Variants in CCDC91 observed in about 807,000 individuals in gnomAD.
CCDC91 encodes coiled-coil domain containing 91, also known as coiled-coil domain-containing protein 91.
A neutral mutation model predicts 63.2 loss-of-function variants in CCDC91; 48 were observed. That is an observed-to-expected ratio of 0.76 (90% CI 0.60 to 0.97). CCDC91 has a LOEUF of 0.97. Ranked by LOEUF, CCDC91 falls within the 50% of genes least tolerant of loss-of-function variation. CCDC91 has a pLI of 0.00. For synonymous variants in CCDC91, 167 were observed against 165.8 expected, an observed-to-expected ratio of 1.01 and a Z score of -0.06; for missense variants, 500 against 494.6, an observed-to-expected ratio of 1.01 and a Z score of -0.10.
intron 12 of CCDC91, among the ~76,000 whole-genome samples, chr12:28,528,767 T>C (rs907034641): frequency 7.9e-5 from 12 of 152,226 alleles, no homozygotes; most frequent in African/African-American, 2.9e-4. Context: ...TTAGAGACAG[T>C]GTCTTGCCCT....
chr12:28,195,984 A>T (rs141505446), intron 1 of CCDC91, among the ~76,000 whole-genome samples: 1 of 152,168 alleles, frequency 6.6e-6, no homozygotes, highest in Non-Finnish European at 1.5e-5. Flanking sequence ...ATGCACCTGT[A>T]GTCCCTGATA....
chr12:28,262,173 A>G (rs1946862401), intron 3 of CCDC91, among the ~76,000 whole-genome samples: 1 of 152,028 alleles, frequency 6.6e-6, no homozygotes, highest in African/African-American at 2.4e-5. Flanking sequence ...TAAGAGATCT[A>G]AGGCAGATTC....
chr12:28,284,653 CA>C (rs536311445), intron 3 of CCDC91, among the ~76,000 whole-genome samples: 142 of 134,676 alleles, frequency 1.1e-3, no homozygotes, highest in Middle Eastern at 3.8e-3. Flanking sequence ...AACTAGGTCT[CA>C]AAAAAAAAAA....
chr12:28,201,244 A>T (rs878909101), intron 1 of CCDC91, among the ~76,000 whole-genome samples: 3 of 142,136 alleles, frequency 2.1e-5, no homozygotes, highest in Admixed American at 7.1e-5. Context: ...GGGCGGCTGC[A>T]GGGCGGAGGG....
intron 8 of CCDC91, among the ~76,000 whole-genome samples, chr12:28,396,351 C>T (rs1394228800): frequency 6.6e-6 from 1 of 152,142 alleles, no homozygotes. Flanking sequence ...TCTGAAAGAA[C>T]ATTGGGTGCT....
At chr12:28,395,634 A>T (rs559190860) in intron 8 of CCDC91, among the ~76,000 whole-genome samples, 11 of 152,314 alleles carry the variant, frequency 7.2e-5, no homozygotes, top group Middle Eastern at 3.4e-3. Context: ...AGCCTGGTAC[A>T]GAGATCCTAA....
chr12:28,404,727 C>A (rs1410163467), intron 8 of CCDC91, among the ~76,000 whole-genome samples: 1 of 152,054 alleles, frequency 6.6e-6, no homozygotes, highest in Non-Finnish European at 1.5e-5. Flanking sequence ...AGAATCAACA[C>A]TTTTATTATT....
chr12:28,406,465 T>C (rs1946952720), intron 8 of CCDC91, among the ~76,000 whole-genome samples: 1 of 152,288 alleles, frequency 6.6e-6, no homozygotes, highest in South Asian at 2.1e-4. Context: ...ACAATTTTGC[T>C]CATTTGTTGT....
chr12:28,362,928 T>C (rs914381974), intron 7 of CCDC91, among the ~76,000 whole-genome samples: 1 of 152,148 alleles, frequency 6.6e-6, no homozygotes, highest in African/African-American at 2.4e-5. Flanking sequence ...GGGTACACTT[T>C]AGCAATAACA....
intron 6 of CCDC91, among the ~76,000 whole-genome samples, chr12:28,325,589 G>A (rs1479961556): frequency 2.0e-5 from 3 of 151,848 alleles, no homozygotes; most frequent in Non-Finnish European, 4.4e-5. Flanking sequence ...GGAGGGGTGG[G>A]TTATAATTTT....
chr12:28,448,590 G>A (rs1949650496), intron 8 of CCDC91, among the ~76,000 whole-genome samples: 3 of 151,964 alleles, frequency 2.0e-5, no homozygotes, highest in Admixed American at 6.5e-5. Flanking sequence ...GGACCACTTA[G>A]GAAATTTAGC....
At chr12:28,308,967 A>G (rs187162511) in intron 6 of CCDC91, among the ~76,000 whole-genome samples, 96 of 152,052 alleles carry the variant, frequency 6.3e-4, no homozygotes, top group Non-Finnish European at 1.1e-3. Flanking sequence ...TCATTCCAAT[A>G]TACATTTTCA....
intron 1 of CCDC91, among the ~76,000 whole-genome samples, chr12:28,194,887 G>A (rs187669578): frequency 6.6e-6 from 1 of 152,268 alleles, no homozygotes; most frequent in Admixed American, 6.5e-5. Flanking sequence ...TCGTGGTCTC[G>A]CTGGCTTCAG....
intron 3 of CCDC91, among the ~76,000 whole-genome samples, chr12:28,299,053 T>C (rs752633783): frequency 6.6e-6 from 1 of 151,634 alleles, no homozygotes; most frequent in Admixed American, 6.6e-5. Flanking sequence ...ATATTTTTAG[T>C]GGTAGCAAGT....
intron 7 of CCDC91, among the ~76,000 whole-genome samples, chr12:28,383,155 T>C (rs910393429): frequency 6.6e-6 from 1 of 152,096 alleles, no homozygotes; most frequent in African/African-American, 2.4e-5. Flanking sequence ...CAGGAATGAT[T>C]CCCTGTGTCC....
intron 1 of CCDC91, among the ~76,000 whole-genome samples, chr12:28,191,980 A>G (rs1941294886): frequency 6.6e-6 from 1 of 152,194 alleles, no homozygotes; most frequent in South Asian, 2.1e-4. Context: ...GCCCAATGGA[A>G]TAAACATAAA....
intron 12 of CCDC91, among the ~76,000 whole-genome samples, chr12:28,540,627 C>A (rs557557385): frequency 6.6e-6 from 1 of 152,176 alleles, no homozygotes; most frequent in East Asian, 1.9e-4. Flanking sequence ...CTTCGCTAAG[C>A]CTTAGTGGCT....
Position 28,440,013 on chromosome 12 carries a change from A to G in CCDC91, c.763-10148A>G, listed in dbSNP as rs554276744. 1.4e-4 allele frequency among the ~76,000 whole-genome samples: 22 copies of G among 152,006 alleles called. No homozygotes were observed. In the South Asian group the frequency reaches 4.4e-3, roughly 30 times the overall value. ...ACTAAAATTTCAATTTTTGAAAAGC[A>G]ATTAATAGAATATCTTAGATAAGCA... is the stretch of plus-strand genomic sequence containing the variant. On this transcript the variant is annotated intron_variant, in intron 8 of 12. Coordinates refer to ENST00000536442, the MANE Select transcript of CCDC91 (RefSeq NM_018318.5).
intron 1 of CCDC91, among the ~76,000 whole-genome samples, chr12:28,247,101 T>C (rs1258655318): frequency 6.6e-6 from 1 of 152,208 alleles, no homozygotes. Flanking sequence ...AACACAAATT[T>C]CTGTGTGATT....
Sources: allele counts gnomAD v4.1 joint callset (sites outside exome capture counted in the v4.1 genomes callset), GRCh38; gene constraint gnomAD v4.1.1; transcripts MANE v1.5; gene names NCBI Gene and HGNC (gene_info 2026-07-23, HGNC 2026-07-21).